TENM2: variants seen among roughly 807,000 people sequenced by gnomAD.
TENM2 encodes teneurin transmembrane protein 2.
In TENM2, 52 loss-of-function variants were observed where a neutral mutation model predicts 245.2. The observed-to-expected ratio is 0.21, with a 90% CI of 0.17 to 0.27. The LOEUF is 0.27. TENM2 is among the 10% of genes least tolerant of loss of function. TENM2 has a pLI of 1.00. For synonymous variants in TENM2, 1,363 were observed against 1,438.9 expected, an observed-to-expected ratio of 0.95 and a Z score of 1.19; for missense variants, 3,046 against 3,666.8, an observed-to-expected ratio of 0.83 and a Z score of 4.37.
At chr5:167,621,508 G>T (rs1267599420) in intron 2 of TENM2, among the ~76,000 whole-genome samples, 2 of 152,078 alleles carry the variant, frequency 1.3e-5, no homozygotes, top group African/African-American at 4.8e-5. Context: ...GACCTTCTAT[G>T]CTGTGGTAAA....
chr5:167,482,683 C>G (rs1356169360), intron 2 of TENM2, among the ~76,000 whole-genome samples: 2 of 152,108 alleles, frequency 1.3e-5, no homozygotes, highest in African/African-American at 4.8e-5. Flanking sequence ...GTATTTATGG[C>G]ACACACTCTA....
At chr5:167,427,499 A>G (rs988201386) in intron 2 of TENM2, among the ~76,000 whole-genome samples, 2 of 142,710 alleles carry the variant, frequency 1.4e-5, no homozygotes, top group Admixed American at 1.4e-4. Flanking sequence ...AAGGGGAGGA[A>G]GAGAAGGAAG....
chr5:167,578,311 A>G (rs1318064078), intron 2 of TENM2, among the ~76,000 whole-genome samples: 2 of 152,056 alleles, frequency 1.3e-5, no homozygotes, highest in Non-Finnish European at 2.9e-5. Context: ...GCTGTTGAGA[A>G]CTCCTGGTCC....
At chr5:167,705,487 C>T (rs78040966) in intron 2 of TENM2, among the ~76,000 whole-genome samples, 3,228 of 152,188 alleles carry the variant, frequency 0.021, 119 homozygotes, top group African/African-American at 0.069. Flanking sequence ...TATTATTGGA[C>T]TCCTCCTTAC....
At chr5:168,038,664 G>T (rs986018696) in intron 5 of TENM2, among the ~76,000 whole-genome samples, 15 of 152,204 alleles carry the variant, frequency 9.9e-5, no homozygotes, top group African/African-American at 2.7e-4. Flanking sequence ...TTTGCCCAAG[G>T]TATCCGCTTA....
At chr5:167,423,321 G>T (rs1582000236) in intron 2 of TENM2, among the ~76,000 whole-genome samples, 1 of 152,132 alleles carries the variant, frequency 6.6e-6, no homozygotes, top group East Asian at 1.9e-4. Context: ...CCATGTTTGA[G>T]CACTTGTCAG....
intron 3 of TENM2, among the ~76,000 whole-genome samples, chr5:167,922,136 A>G (rs1777420608): frequency 6.6e-6 from 1 of 152,226 alleles, no homozygotes; most frequent in African/African-American, 2.4e-5. Flanking sequence ...TTTAGGTTCT[A>G]CTAGCATATG....
chr5:167,584,717 C>T (rs1432740001), intron 2 of TENM2, among the ~76,000 whole-genome samples: 15 of 149,012 alleles, frequency 1.0e-4, no homozygotes, highest in African/African-American at 3.0e-4. Flanking sequence ...TTTTTTCAGA[C>T]GGAGTCTCGC....
At chr5:167,196,516 GTATA>G in the TENM2 span, among the ~76,000 whole-genome samples, 13 of 141,596 alleles carry the variant, frequency 9.2e-5, 1 homozygote, top group South Asian at 2.7e-3. Flanking sequence ...ATATGTGTGT[GTATA>G]TATATATGTG....
At chr5:168,074,971 G>A (rs936943338) in intron 7 of TENM2, among the ~76,000 whole-genome samples, 2 of 152,162 alleles carry the variant, frequency 1.3e-5, no homozygotes, top group Non-Finnish European at 2.9e-5. Flanking sequence ...TGGCTAACAG[G>A]TGGTGTTTGG....
At chr5:167,177,897 T>C in the TENM2 span, among the ~76,000 whole-genome samples, 3 of 152,166 alleles carry the variant, frequency 2.0e-5, no homozygotes, top group South Asian at 2.1e-4. Context: ...AGCAGGTCCA[T>C]ATGGTCCCTA....
the TENM2 span, among the ~76,000 whole-genome samples, chr5:167,015,129 A>G: frequency 7.7e-4 from 117 of 152,326 alleles, no homozygotes; most frequent in African/African-American, 2.8e-3. Flanking sequence ...ATTTTTAACT[A>G]TGGAGTGGAT....
At chr5:167,804,006 A>C (rs1234157550) in intron 2 of TENM2, among the ~76,000 whole-genome samples, 2 of 152,134 alleles carry the variant, frequency 1.3e-5, no homozygotes, top group Non-Finnish European at 2.9e-5. Context: ...GAGCGCCAGC[A>C]TGATGTTCAA....
At chr5:167,270,513 G>C in the TENM2 span, among the ~76,000 whole-genome samples, 1 of 152,004 alleles carries the variant, frequency 6.6e-6, no homozygotes, top group Admixed American at 6.6e-5. Context: ...ATTCTTCTTT[G>C]TCTCTTCATC....
intron 7 of TENM2, among the ~76,000 whole-genome samples, chr5:168,068,538 A>C (rs17440127): frequency 0.28 from 42,636 of 152,018 alleles, 6,911 homozygotes; most frequent in Non-Finnish European, 0.36. Context: ...TTTGTGTATT[A>C]ATAAATCACA....
At chr5:167,031,819 C>G in the TENM2 span, among the ~76,000 whole-genome samples, 1 of 152,142 alleles carries the variant, frequency 6.6e-6, no homozygotes, top group South Asian at 2.1e-4. Context: ...CCCACCTTGG[C>G]CTCCCAAAAT....
At chr5:167,384,567 G>C (rs1761301032) in intron 2 of TENM2, among the ~76,000 whole-genome samples, 2 of 152,206 alleles carry the variant, frequency 1.3e-5, no homozygotes, top group African/African-American at 4.8e-5. Flanking sequence ...ACCAAGAGCT[G>C]TGAGCTTCAT....
In TENM2 at chr5:168,204,335, G is replaced by A. The variant is rs763108225; in HGVS notation, c.3575-37G>A. 7.5e-6 allele frequency: 12 copies of A among 1,597,610 alleles called. No individual in the cohort carries two copies. In the South Asian group the frequency reaches 1.0e-4, roughly 13 times the overall value. ...GCCAATACACATGTCTTCCCCAGAG[G>A]GCTTCAGTAACCCCTCCCATTCTCC... On this transcript the variant is annotated intron_variant, in intron 18 of 28. Transcript: ENST00000518659.
intron 5 of TENM2, among the ~76,000 whole-genome samples, chr5:168,006,476 C>A (rs1784829353): frequency 6.6e-6 from 1 of 152,146 alleles, no homozygotes; most frequent in African/African-American, 2.4e-5. Context: ...CACTGCCATG[C>A]TTTCACCATA....
Sources: gnomAD v4.1 joint callset for allele counts (sites outside exome capture counted in the v4.1 genomes callset) on GRCh38, gnomAD v4.1.1 for gene constraint, MANE v1.5 for transcripts, NCBI Gene and HGNC (gene_info 2026-07-23, HGNC 2026-07-21) for gene names.